The following TRPC4AP variants were observed in gnomAD, a reference collection of about 807,000 sequenced individuals.
TRPC4AP encodes the protein transient receptor potential cation channel subfamily C member 4 associated protein.
In TRPC4AP, 45 loss-of-function variants were observed where a neutral mutation model predicts 99.0. That is an observed-to-expected ratio of 0.45 (90% CI 0.36 to 0.58). The LOEUF (loss-of-function observed/expected upper bound fraction) is 0.58, where lower values mean the gene tolerates loss of function less well. Among genes scored for constraint, TRPC4AP ranks in the 20% least tolerant of loss-of-function variants. TRPC4AP has a pLI of 0.00. For synonymous variants in TRPC4AP, 408 were observed against 385.8 expected, an observed-to-expected ratio of 1.06 and a Z score of -0.67; for missense variants, 879 against 985.3, an observed-to-expected ratio of 0.89 and a Z score of 1.44.
chr20:35,080,609 A>G (rs1410700377), intron 1 of TRPC4AP, among the ~76,000 whole-genome samples: 1 of 151,702 alleles, frequency 6.6e-6, no homozygotes, highest in Non-Finnish European at 1.5e-5. Flanking sequence ...CTATTAATTT[A>G]AAATGTCCAG....
Position 35,092,624 on chromosome 20 carries a change from C to G in TRPC4AP, c.158G>C (p.Arg53Pro). 6.6e-7 allele frequency: 1 copy of G among 1,512,554 alleles called. No individual in the cohort carries two copies. Among genetic ancestry groups the G allele is most frequent in the Non-Finnish European group, 8.8e-7 (1 of 1,138,268 alleles). The allele number at this position is 1,512,554 out of a possible 1,614,324, so 93.7% of individuals were successfully genotyped here. ...GGTCCAGCCTCGTACCTGCACCGCC[C>G]GGACCAGGCCCCGGCCGGTCAGCTG... The part of the protein sequence containing the change: ...QGQLTGRGLV[R>P]AVQFTETFLT... The change falls in exon 1 of 19, where the codon CGG becomes CCG. Residue 53 changes from arginine to proline, a missense_variant. Transcript: ENST00000252015.
At position 35,002,935 on chromosome 20, in the gene TRPC4AP, C is replaced by T. The variant is rs192559769; in HGVS notation, c.*211G>A. 1.6e-5 allele frequency: 10 copies of T among 606,294 alleles called. No individual in the cohort carries two copies. In the East Asian group the frequency reaches 3.0e-4, roughly 18 times the overall value. The allele number at this position is 606,294 out of a possible 1,614,324, so 37.6% of individuals were successfully genotyped here. A position where few individuals can be genotyped will look rare whatever the true frequency, so the allele number is the denominator to read the frequency against. Reference sequence around the variant, plus strand: ...GGAAAGGTGGGCATGGTACCCTGTCCTCATTATGGGGACTGAGGCTCTCCA... The same window carrying T: ...GGAAAGGTGGGCATGGTACCCTGTCTTCATTATGGGGACTGAGGCTCTCCA... On this transcript the variant is annotated 3_prime_UTR_variant, in exon 19 of 19. Transcript: ENST00000252015.
chr20:35,022,357 T>G (rs1345945195), intron 8 of TRPC4AP, among the ~76,000 whole-genome samples: 9 of 152,190 alleles, frequency 5.9e-5, no homozygotes, highest in Admixed American at 5.9e-4. Context: ...GGTTTCACCA[T>G]GTTGGCCGGG....
intron 1 of TRPC4AP, 100 bp downstream of exon 1, chr20:35,092,514 T>A: frequency 7.4e-7 from 1 of 1,346,734 alleles, no homozygotes; most frequent in Non-Finnish European, 9.6e-7. Context: ...CAAAAGGGCT[T>A]TGGCCCGTCC....
At chr20:35,006,340 A>AACTT in intron 15 of TRPC4AP, 95 bp downstream of exon 15, 1 of 1,463,718 alleles carries the variant, frequency 6.8e-7, no homozygotes, top group African/African-American at 1.4e-5. Context: ...CGTCGTCTCT[A>AACTT]ACGTAAAACC....
chr20:35,012,548 T>TTAAA (rs2082661786), intron 11 of TRPC4AP, among the ~76,000 whole-genome samples: 1 of 152,070 alleles, frequency 6.6e-6, no homozygotes, highest in East Asian at 1.9e-4. Context: ...CCATCGAAGG[T>TTAAA]TAAAAAATAA....
intron 2 of TRPC4AP, among the ~76,000 whole-genome samples, chr20:35,072,160 C>A (rs907572991): frequency 6.6e-6 from 1 of 152,090 alleles, no homozygotes; most frequent in Middle Eastern, 3.4e-3. Context: ...AATTTAAGTT[C>A]TTTGTAGATT....
At chr20:35,047,080 G>A (rs1260885036) in intron 6 of TRPC4AP, among the ~76,000 whole-genome samples, 1 of 152,124 alleles carries the variant, frequency 6.6e-6, no homozygotes, top group Non-Finnish European at 1.5e-5. Context: ...TGTTGGCCAG[G>A]CTGGTCTCCT....
At chr20:35,071,165 A>G (rs1484595734) in intron 2 of TRPC4AP, among the ~76,000 whole-genome samples, 1 of 152,236 alleles carries the variant, frequency 6.6e-6, no homozygotes, top group African/African-American at 2.4e-5. Context: ...TTTCTATTAC[A>G]TTTTAAAATA....
intron 2 of TRPC4AP, among the ~76,000 whole-genome samples, chr20:35,069,876 C>T (rs962589277): frequency 1.3e-5 from 2 of 152,050 alleles, no homozygotes; most frequent in African/African-American, 2.4e-5. Context: ...CGGAGGCAGA[C>T]GTTGCAGTGA....
intron 6 of TRPC4AP, among the ~76,000 whole-genome samples, chr20:35,049,358 A>G (rs2083642006): frequency 6.6e-6 from 1 of 152,074 alleles, no homozygotes; most frequent in African/African-American, 2.4e-5. Context: ...GCTGGTGCCA[A>G]TTAACCAACT....
intron 7 of TRPC4AP, among the ~76,000 whole-genome samples, chr20:35,041,371 G>C (rs573830697): frequency 4.6e-5 from 7 of 152,250 alleles, no homozygotes; most frequent in African/African-American, 1.7e-4. Context: ...AATGGAGTAG[G>C]AATTATGGTC....
chr20:35,014,155 G>C (rs2082698548), intron 10 of TRPC4AP, among the ~76,000 whole-genome samples: 2 of 152,026 alleles, frequency 1.3e-5, no homozygotes, highest in African/African-American at 4.8e-5. Context: ...CCGGGAGCAC[G>C]TTTCTATAGG....
intron 3 of TRPC4AP, among the ~76,000 whole-genome samples, chr20:35,068,757 C>T (rs2057323): frequency 0.77 from 116,685 of 151,444 alleles, 45,288 homozygotes; most frequent in Middle Eastern, 0.83. Context: ...CCTGACCTCA[C>T]GATCCACCTG....
intron 9 of TRPC4AP, among the ~76,000 whole-genome samples, chr20:35,016,939 G>A (rs974715881): frequency 1.3e-5 from 2 of 152,202 alleles, no homozygotes; most frequent in African/African-American, 4.8e-5. Context: ...ACATTCACAC[G>A]CTGTTGGTGG....
At chr20:35,055,068 A>C in intron 4 of TRPC4AP, 37 bp from the exon 5 acceptor site, 43 of 1,585,618 alleles carry the variant, frequency 2.7e-5, no homozygotes, top group Non-Finnish European at 3.5e-5. Flanking sequence ...TATTTTTCTC[A>C]ATGAAAAGAT....
intron 1 of TRPC4AP, among the ~76,000 whole-genome samples, chr20:35,089,745 A>T (rs763952972): frequency 6.6e-6 from 1 of 152,168 alleles, no homozygotes; most frequent in Non-Finnish European, 1.5e-5. Flanking sequence ...GCTACTCAGG[A>T]GGCTGAGGCA....
chr20:35,037,942 A>T (rs2147343864), intron 7 of TRPC4AP, among the ~76,000 whole-genome samples: 1 of 152,148 alleles, frequency 6.6e-6, no homozygotes, highest in East Asian at 1.9e-4. Context: ...ACAATGACAA[A>T]ATCACCTCAC....
chr20:35,078,464 C>A (rs1222693940), intron 1 of TRPC4AP, among the ~76,000 whole-genome samples: 1 of 152,046 alleles, frequency 6.6e-6, no homozygotes, highest in African/African-American at 2.4e-5. Context: ...AATTCTAGGG[C>A]AACTGCTAAA....
Sources: allele counts gnomAD v4.1 joint callset (sites outside exome capture counted in the v4.1 genomes callset), GRCh38; gene constraint gnomAD v4.1.1; transcripts MANE v1.5; gene names NCBI Gene and HGNC (gene_info 2026-07-23, HGNC 2026-07-21).